Variants in ITGAM observed in about 807,000 individuals in gnomAD.
The protein encoded by ITGAM is integrin alpha-M.
In ITGAM, 79 loss-of-function variants were observed where a neutral mutation model predicts 137.5. That is an observed-to-expected ratio of 0.57 (90% CI 0.48 to 0.69). ITGAM has a LOEUF of 0.69. Among genes scored for constraint, ITGAM ranks in the 30% least tolerant of loss-of-function variants. The probability of loss-of-function intolerance (pLI) is 0.00; values close to 1 mark genes in which losing one functional copy is unlikely to be tolerated. For missense variants in ITGAM, 1,343 were observed against 1,483.5 expected (o/e 0.91, Z 1.56); for synonymous variants, 583 against 592.3 (o/e 0.98, Z 0.23).
rs1344683710 is a variant in ITGAM at position 31,278,089 on chromosome 16, G to A, written c.1336G>A (p.Ala446Thr). ...RQNTGMWESN[A>T]NVKGTQIGAY... ...GAACACTGGCATGTGGGAGTCCAAC[G>A]CTAATGTCAAGGGCACCCAGGTGAG... Residue 446 changes from alanine to threonine, a missense_variant, in exon 12 of 30, where the codon GCT becomes ACT. Transcript: ENST00000544665. 2 of 1,608,456 alleles carry A rather than the reference G, an allele frequency of 1.2e-6. No individual in the cohort carries two copies. The highest frequency in any genetic ancestry group is 8.5e-7 in the Non-Finnish European group (1 of 1,177,536).
chr16:31,274,760 A>G (rs911499170), intron 8 of ITGAM, among the ~76,000 whole-genome samples: 2 of 152,008 alleles, frequency 1.3e-5, no homozygotes, highest in Non-Finnish European at 2.9e-5. Context: ...GACTACAGGC[A>G]TGCACCACCA....
At chr16:31,272,423 C>CCA (rs1491104518) in intron 7 of ITGAM, among the ~76,000 whole-genome samples, 2 of 31,522 alleles carry the variant, frequency 6.3e-5, no homozygotes, top group African/African-American at 1.5e-4. Context: ...GGCCAATTAA[C>CCA]TATATATATA....
At position 31,324,760 on chromosome 16, in the gene ITGAM, C is replaced by A; in HGVS notation, c.2267C>A (p.Ala756Asp). Residue 756 changes from alanine to aspartate, a missense_variant, in exon 18 of 30, where the codon GCT (alanine) becomes GAT (aspartate). Ala to Asp is a moderately radical substitution (Grantham distance 126). Transcript: ENST00000544665. This position sits in a 1 kb window ranked among gnomAD's most constrained non-coding sequence, Gnocchi z 4.5. ...CTCCGGCCAGTGCTGGCGGAGGATG[C>A]TCAGAGACTCTTCACAGCCTTGGTG... is the stretch of plus-strand genomic sequence containing the variant. Reference protein sequence around the residue: ...GNLRPVLAEDAQRLFTALFPF... With the variant: ...GNLRPVLAEDDQRLFTALFPF... The A allele has an allele frequency of 6.4e-7, 1 of 1,571,760 alleles. No homozygotes were observed.
At chr16:31,325,141 G>T in intron 19 of ITGAM, 110 bp downstream of exon 19, 2 of 1,461,332 alleles carry the variant, frequency 1.4e-6, no homozygotes, top group East Asian at 2.3e-5. Context: ...TATAAGGTCC[G>T]GTGTGGCTGC....
At position 31,260,925 on chromosome 16, in the gene ITGAM, T is replaced by C. The variant is rs1432805175; in HGVS notation, c.29-767T>C. On this transcript the variant is annotated intron_variant, in intron 1 of 29. Transcript: ENST00000544665. ...TTTGTAAACCCGTATTACAAACAAA[T>C]TGTACTCAATCATTATGTTTGAAAT... Among the ~76,000 whole-genome samples the C allele has an allele frequency of 5.9e-5, 9 of 152,356 alleles. No homozygotes were observed. The East Asian group carries it at 1.4e-3, about 23-fold the overall frequency.
At chr16:31,276,145 A>G (rs569656862) in intron 9 of ITGAM, among the ~76,000 whole-genome samples, 12 of 152,164 alleles carry the variant, frequency 7.9e-5, no homozygotes, top group African/African-American at 2.9e-4. Flanking sequence ...AAGCTGGAAG[A>G]TTAGACACCT....
chr16:31,295,581 T>C (rs893495337), intron 12 of ITGAM, among the ~76,000 whole-genome samples: 1 of 151,216 alleles, frequency 6.6e-6, no homozygotes, highest in African/African-American at 2.4e-5. Flanking sequence ...GTTCTAGTAG[T>C]TCTTTTTTGG....
chr16:31,311,512 C>T (rs369951866), intron 14 of ITGAM, among the ~76,000 whole-genome samples: 1 of 152,150 alleles, frequency 6.6e-6, no homozygotes, highest in Non-Finnish European at 1.5e-5. Context: ...GACATTTATG[C>T]AGCCAAAAGA....
At position 31,324,383 on chromosome 16, in the gene ITGAM, C is replaced by T. The variant is rs2080482625; in HGVS notation, c.2003-16C>T. 1 of 1,550,858 alleles carries T rather than the reference C, an allele frequency of 6.4e-7. No individual in the cohort carries two copies. On this transcript the variant is annotated splice_polypyrimidine_tract_variant and intron_variant, in intron 16 of 29. Coordinates refer to ENST00000544665, the MANE Select transcript of ITGAM (RefSeq NM_000632.4). The surrounding 1 kb of genome is among the most constrained non-coding windows in gnomAD (Gnocchi z 4.5). Reference sequence around the variant, plus strand: ...AGGCTCAGGCCCCTCACTGCTGTGCCACCCTGTCCCTTCAGGACAGATCCA... The same window carrying T: ...AGGCTCAGGCCCCTCACTGCTGTGCTACCCTGTCCCTTCAGGACAGATCCA...
At chr16:31,270,843 T>C in intron 5 of ITGAM, 111 bp from the exon 6 acceptor site, 2 of 454,096 alleles carry the variant, frequency 4.4e-6, no homozygotes, top group South Asian at 6.7e-5. Context: ...CTATATTTTT[T>C]ATAGAGACGG....
intron 12 of ITGAM, among the ~76,000 whole-genome samples, chr16:31,293,905 G>C (rs1192971876): frequency 6.6e-6 from 1 of 152,004 alleles, no homozygotes; most frequent in African/African-American, 2.4e-5. Context: ...TGTCATCTCT[G>C]ATTTCTTTGA....
Position 31,314,821 on chromosome 16 carries a change from G to GTT in ITGAM, c.1708-6402_1708-6401dup, listed in dbSNP as rs369241453. Among the ~76,000 whole-genome samples, 120 of 130,852 alleles carry GTT rather than the reference G, an allele frequency of 9.2e-4. 1 individual carries two copies. The highest frequency in any genetic ancestry group is 1.4e-3 in the Non-Finnish European group (84 of 61,574). 85.8% of individuals were successfully genotyped at this position (130,852 alleles called of 152,430 possible). ...TCCTCCTGTGGTAGTAGGAGGCAGG[G>GTT]TTTTTTTTTTTTTTTTTTTGAGATG... On this transcript the variant is annotated intron_variant, in intron 14 of 29. Transcript: ENST00000544665.
intron 23 of ITGAM, 117 bp from the exon 24 acceptor site, chr16:31,329,111 C>A (rs1253644090): frequency 2.9e-6 from 2 of 699,122 alleles, no homozygotes; most frequent in Non-Finnish European, 5.3e-6. Flanking sequence ...CTCCACCCCC[C>A]AGGACTTCAT....
intron 14 of ITGAM, among the ~76,000 whole-genome samples, chr16:31,302,964 C>CTTTCTTTG (rs2080228292): frequency 8.7e-6 from 1 of 115,190 alleles, no homozygotes; most frequent in African/African-American, 3.3e-5. Flanking sequence ...TTCTTTCTTT[C>CTTTCTTTG]TTTCTTTCTT....
Position 31,273,366 on chromosome 16 carries a change from C to G in ITGAM, c.706C>G (p.Arg236Gly). 3.1e-6 allele frequency: 5 copies of G among 1,613,018 alleles called. No homozygotes were observed. The highest frequency in any genetic ancestry group is 4.2e-6 in the Non-Finnish European group (5 of 1,179,484). The change falls in exon 8 of 30, where the codon CGA becomes GGA. Residue 236 changes from arginine to glycine, a missense_variant and splice_region_variant. Transcript: ENST00000544665. ...TTGTCCCTCCTGTTTCCTGCACAGA[C>G]GAGAGCTGTTTAACATCACCAACGG... ...HTATGIRKVV[R>G]ELFNITNGAR...
chr16:31,294,768 TG>T (rs2080117362), intron 12 of ITGAM, among the ~76,000 whole-genome samples: 2 of 152,158 alleles, frequency 1.3e-5, no homozygotes, highest in Admixed American at 1.3e-4. Flanking sequence ...CCTGTGCTTT[TG>T]GGGTCATATC....
Position 31,309,668 on chromosome 16 carries a change from T to G in ITGAM, c.1708-11573T>G, listed in dbSNP as rs147639180. ...CCCATTTACATTTAAGGTTAGTATT[T>G]TTATGTGTGAATTAGATCCTGTCAT... On this transcript the variant is annotated intron_variant, in intron 14 of 29. Coordinates refer to ENST00000544665, the MANE Select transcript of ITGAM (RefSeq NM_000632.4). Among the ~76,000 whole-genome samples the G allele has an allele frequency of 8.1e-3, 1,234 of 152,184 alleles. 25 individuals are homozygous for G. Among genetic ancestry groups the G allele is most frequent in the African/African-American group, 0.028 (1,167 of 41,536 alleles).
chr16:31,291,729 T>TA (rs969914750), intron 12 of ITGAM, among the ~76,000 whole-genome samples: 68 of 150,394 alleles, frequency 4.5e-4, no homozygotes, highest in Non-Finnish European at 8.4e-4. Context: ...GTGTAGGAGC[T>TA]AAAAAAAAAT....
At chr16:31,294,001 C>T (rs960865322) in intron 12 of ITGAM, among the ~76,000 whole-genome samples, 5 of 152,016 alleles carry the variant, frequency 3.3e-5, no homozygotes, top group Admixed American at 1.3e-4. Context: ...TTGTGGCAAT[C>T]GTGAATAGGA....
Sources: allele counts gnomAD v4.1 joint callset (sites outside exome capture counted in the v4.1 genomes callset), GRCh38; gene constraint gnomAD v4.1.1; non-coding constraint Gnocchi (gnomAD v3.1); transcripts MANE v1.5; gene names NCBI Gene and HGNC (gene_info 2026-07-23, HGNC 2026-07-21).